The following ANKRD11 variants were observed in gnomAD, a reference collection of about 807,000 sequenced individuals.
ANKRD11 encodes the protein ankyrin repeat domain 11.
In ANKRD11, 17 loss-of-function variants were observed where a neutral mutation model predicts 195.7. The ratio of observed to expected loss-of-function variants is 0.09; its 90% confidence interval spans 0.06 to 0.13. The LOEUF is 0.13. Among genes scored for constraint, ANKRD11 ranks in the 10% least tolerant of loss-of-function variants. The pLI is 1.00. For missense variants in ANKRD11, 3,735 were observed against 3,566.1 expected, an observed-to-expected ratio of 1.05 and a Z score of -1.21; for synonymous variants, 1,953 against 1,528.1, an observed-to-expected ratio of 1.28 and a Z score of -6.49.
intron 2 of ANKRD11, among the ~76,000 whole-genome samples, chr16:89,411,017 G>C (rs922238688): frequency 6.6e-6 from 1 of 152,232 alleles, no homozygotes; most frequent in Non-Finnish European, 1.5e-5. Context: ...AGAGAGAAGG[G>C]TGGCCAGGGC....
intron 1 of ANKRD11, among the ~76,000 whole-genome samples, chr16:89,465,504 C>T (rs2056850763): frequency 6.6e-6 from 1 of 152,292 alleles, no homozygotes. Context: ...TGTGCCACAC[C>T]GCCCGCCCGC....
At chr16:89,391,129 G>GA (rs2041175719) in intron 2 of ANKRD11, among the ~76,000 whole-genome samples, 1 of 151,336 alleles carries the variant, frequency 6.6e-6, no homozygotes, top group Non-Finnish European at 1.5e-5. Flanking sequence ...TCGGGAGGCT[G>GA]AAGCAGGAGA....
intron 1 of ANKRD11, chr16:89,431,254 A>C (rs2042965286): frequency 6.6e-6 from 1 of 152,416 alleles, no homozygotes. Flanking sequence ...ATCTTTACCC[A>C]CATGTCTGCA....
At chr16:89,338,914 C>T (rs896470305) in intron 2 of ANKRD11, among the ~76,000 whole-genome samples, 5 of 152,044 alleles carry the variant, frequency 3.3e-5, no homozygotes, top group Non-Finnish European at 5.9e-5. Context: ...AAAAAAATCA[C>T]CCAGATATAA....
intron 2 of ANKRD11, among the ~76,000 whole-genome samples, chr16:89,376,743 C>T (rs2040439509): frequency 6.6e-6 from 1 of 152,158 alleles, no homozygotes; most frequent in African/African-American, 2.4e-5. Flanking sequence ...CTGGCCCTGC[C>T]TGAACAGGTT....
chr16:89,281,542 T>C lies in ANKRD11; in HGVS notation c.5000A>G (p.Lys1667Arg), dbSNP rs1423833731. 1 of 1,614,216 alleles carries C rather than the reference T, an allele frequency of 6.2e-7. No homozygotes were observed. Among genetic ancestry groups the C allele is most frequent in the Non-Finnish European group, 8.5e-7 (1 of 1,180,040 alleles). Residue 1667 changes from lysine (K) to arginine (R), a missense_variant, in exon 9 of 13, where the codon AAG becomes AGG. Coordinates refer to ENST00000301030, the MANE Select transcript of ANKRD11 (RefSeq NM_013275.6). The surrounding 1 kb of genome is among the most constrained non-coding windows in gnomAD (Gnocchi z 5.5). ...GTCTGCACCTGATGCTGGGTGTAGCTTATTTTCCGCGGCAGGTGGAATAGG... is the reference window on the plus strand; with the variant it reads ...GTCTGCACCTGATGCTGGGTGTAGCCTATTTTCCGCGGCAGGTGGAATAGG... The part of the protein sequence containing the change: ...STPIPPAAEN[K>R]LHPASGADSK...
At chr16:89,417,736 C>A (rs557334806) in intron 2 of ANKRD11, among the ~76,000 whole-genome samples, 1 of 152,170 alleles carries the variant, frequency 6.6e-6, no homozygotes, top group Non-Finnish European at 1.5e-5. Flanking sequence ...CAACAGCTCC[C>A]AGGATACAGA....
intron 2 of ANKRD11, chr16:89,343,613 C>T (rs2038798662): frequency 6.6e-6 from 1 of 152,344 alleles, no homozygotes; most frequent in Non-Finnish European, 1.5e-5. Context: ...CAGAACCTCA[C>T]CCCAGTCAGA....
At chr16:89,442,126 G>A (rs905044475) in intron 1 of ANKRD11, among the ~76,000 whole-genome samples, 1 of 152,242 alleles carries the variant, frequency 6.6e-6, no homozygotes, top group Non-Finnish European at 1.5e-5. Flanking sequence ...GCACACCGAT[G>A]CAGTGCACCG....
intron 2 of ANKRD11, among the ~76,000 whole-genome samples, chr16:89,349,595 A>G (rs1239875274): frequency 6.6e-6 from 1 of 152,218 alleles, no homozygotes; most frequent in Admixed American, 6.5e-5. Context: ...ATAATTGAAT[A>G]TCCTCATGCA....
chr16:89,474,278 A>C (rs1182353978), intron 1 of ANKRD11, among the ~76,000 whole-genome samples: 2 of 152,124 alleles, frequency 1.3e-5, no homozygotes, highest in African/African-American at 4.8e-5. Context: ...AGAAACTGTG[A>C]GATAATAAAT....
At chr16:89,419,434 CAG>C (rs1171243199) in intron 1 of ANKRD11, among the ~76,000 whole-genome samples, 1 of 143,532 alleles carries the variant, frequency 7.0e-6, no homozygotes, top group African/African-American at 2.6e-5. Flanking sequence ...GCCTGGGTGA[CAG>C]AGCGAAACTC....
chr16:89,422,549 A>G (rs759164359), intron 1 of ANKRD11, among the ~76,000 whole-genome samples: 25 of 152,162 alleles, frequency 1.6e-4, no homozygotes, highest in Non-Finnish European at 1.2e-4. Context: ...ATGTCAAGTA[A>G]TAACACGATA....
intron 2 of ANKRD11, among the ~76,000 whole-genome samples, chr16:89,389,825 G>C (rs941080701): frequency 4.2e-5 from 6 of 143,770 alleles, no homozygotes; most frequent in African/African-American, 1.6e-4. Flanking sequence ...AGATCACTAG[G>C]GCAAACACCG....
chr16:89,300,403 C>G (rs2035775333), intron 4 of ANKRD11: 1 of 185,838 alleles, frequency 5.4e-6, no homozygotes, highest in African/African-American at 2.4e-5. Flanking sequence ...TGCACATGCC[C>G]TTCCTGGCCA....
At chr16:89,357,140 TA>T (rs1375034764) in intron 2 of ANKRD11, among the ~76,000 whole-genome samples, 1 of 152,220 alleles carries the variant, frequency 6.6e-6, no homozygotes, top group Non-Finnish European at 1.5e-5. Flanking sequence ...TGGAGCCATC[TA>T]GGGGCACTGC....
chr16:89,372,096 C>T (rs928669432), intron 2 of ANKRD11, among the ~76,000 whole-genome samples: 1 of 152,224 alleles, frequency 6.6e-6, no homozygotes, highest in African/African-American at 2.4e-5. Flanking sequence ...AGGACCACCA[C>T]GGCGGGCACC....
intron 9 of ANKRD11, chr16:89,277,975 C>T (rs747506345): frequency 4.3e-5 from 7 of 162,260 alleles, no homozygotes; most frequent in East Asian, 1.9e-4. Context: ...CTGTACCTCA[C>T]GCCACCTGCG....
rs59319003 is a variant in ANKRD11, at chr16:89,325,469, T to TCACA, written c.-59-8395_-59-8392dup. On this transcript the variant is annotated intron_variant, in intron 2 of 12. Transcript: ENST00000301030. ...CCTCTCCTCTCTCTCTCTCTCTCTCTCACACACACACACACACACACACAC... is the reference window on the plus strand; with the variant it reads ...CCTCTCCTCTCTCTCTCTCTCTCTCTCACACACACACACACACACACACACACAC... Among the ~76,000 whole-genome samples, 1,124 of 147,730 alleles carry TCACA rather than the reference T, an allele frequency of 7.6e-3. 20 individuals carry two copies. Among genetic ancestry groups the TCACA allele is most frequent in the African/African-American group, 0.025 (960 of 38,770 alleles).
Sources: allele counts gnomAD v4.1 joint callset (sites outside exome capture counted in the v4.1 genomes callset), GRCh38; gene constraint gnomAD v4.1.1; non-coding constraint Gnocchi (gnomAD v3.1); transcripts MANE v1.5; gene names NCBI Gene and HGNC (gene_info 2026-07-23, HGNC 2026-07-21).